Variants in UBR3 observed in about 807,000 individuals in gnomAD.
The protein encoded by UBR3 is ubiquitin protein ligase E3 component n-recognin 3.
UBR3 carries 85 observed loss-of-function variants against 243.2 expected under a neutral mutation model. That is an observed-to-expected ratio of 0.35 (90% CI 0.29 to 0.42). The LOEUF (loss-of-function observed/expected upper bound fraction) is 0.42, where lower values mean the gene tolerates loss of function less well. Ranked by LOEUF, UBR3 falls within the 10% of genes least tolerant of loss-of-function variation. The pLI, the probability that UBR3 is intolerant of heterozygous loss-of-function variation, is 1.00. For synonymous variants in UBR3, 748 were observed against 799.8 expected, an observed-to-expected ratio of 0.94 and a Z score of 1.09; for missense variants, 1,686 against 2,300.8, an observed-to-expected ratio of 0.73 and a Z score of 5.47.
At chr2:170,030,856 ATAAAT>A (rs1053694465) in intron 31 of UBR3, among the ~76,000 whole-genome samples, 1 of 152,332 alleles carries the variant, frequency 6.6e-6, no homozygotes, top group African/African-American at 2.4e-5. Context: ...ATATAACAAA[ATAAAT>A]TCATAGACAT....
At chr2:169,865,625 A>G (rs770665802) in intron 1 of UBR3, among the ~76,000 whole-genome samples, 1 of 152,266 alleles carries the variant, frequency 6.6e-6, no homozygotes, top group East Asian at 1.9e-4. Context: ...AGTGTCCAAG[A>G]GAGCTTTCTG....
chr2:170,040,811 T>C, intron 31 of UBR3, 71 bp from the exon 32 acceptor site: 2 of 1,132,192 alleles, frequency 1.8e-6, no homozygotes, highest in East Asian at 5.2e-5. Flanking sequence ...TAGATATATA[T>C]GTGACATATA....
At chr2:170,068,080 T>A (rs1277345817) in intron 35 of UBR3, among the ~76,000 whole-genome samples, 1 of 152,076 alleles carries the variant, frequency 6.6e-6, no homozygotes, top group Admixed American at 6.6e-5. Context: ...TAGAAAATAT[T>A]TTTAACTGAG....
chr2:169,887,269 C>T (rs189332938), intron 5 of UBR3, among the ~76,000 whole-genome samples: 57 of 152,252 alleles, frequency 3.7e-4, no homozygotes, highest in Non-Finnish European at 6.0e-4. Flanking sequence ...TATTTAAGGT[C>T]TGAAAAGTTC....
At chr2:170,049,065 C>T (rs1309984745) in intron 32 of UBR3, among the ~76,000 whole-genome samples, 3 of 152,174 alleles carry the variant, frequency 2.0e-5, no homozygotes, top group Non-Finnish European at 4.4e-5. Context: ...TCCCCCTTTA[C>T]TTCTCCACTT....
At chr2:169,892,988 T>G (rs1475883236) in intron 6 of UBR3, among the ~76,000 whole-genome samples, 1 of 152,226 alleles carries the variant, frequency 6.6e-6, no homozygotes, top group African/African-American at 2.4e-5. Flanking sequence ...TTTAAAAATC[T>G]CTTTTTACAA....
chr2:169,894,941 A>T (rs2084524867), intron 6 of UBR3, among the ~76,000 whole-genome samples: 1 of 152,182 alleles, frequency 6.6e-6, no homozygotes, highest in South Asian at 2.1e-4. Flanking sequence ...TAAAAAGGGC[A>T]TCCATTCCCC....
intron 30 of UBR3, among the ~76,000 whole-genome samples, chr2:170,021,974 C>A (rs114451962): frequency 1.8e-3 from 276 of 152,202 alleles, no homozygotes; most frequent in African/African-American, 6.3e-3. Context: ...CAGCTTCTTT[C>A]TTCTGCAGTT....
At chr2:169,926,616 A>C (rs2085920389) in intron 14 of UBR3, 76 bp from the exon 15 acceptor site, 1 of 1,346,302 alleles carries the variant, frequency 7.4e-7, no homozygotes, top group Non-Finnish European at 1.0e-6. Context: ...AAACAAAAAA[A>C]AGTATAGAAA....
Position 170,066,993 on chromosome 2 carries a change from T to TAATAATAATAATAAA in UBR3, c.5019+5552_5019+5553insTAATAATAATAAAAA, listed in dbSNP as rs71006067. Among the ~76,000 whole-genome samples, 429 of 144,260 alleles carry TAATAATAATAATAAA rather than the reference T, an allele frequency of 3.0e-3. 2 individuals carry two copies. Among genetic ancestry groups the TAATAATAATAATAAA allele is most frequent in the East Asian group, 8.3e-3 (41 of 4,952 alleles). 94.6% of individuals were successfully genotyped at this position (144,260 alleles called of 152,430 possible). A position where few individuals can be genotyped will look rare whatever the true frequency, so the allele number is the denominator to read the frequency against. ...ATAATAATAATAATAATAATAATAA[T>TAATAATAATAATAAA]AAACTTCATTATAACTGAGAGGTAG... is the stretch of plus-strand genomic sequence containing the variant. On this transcript the variant is annotated intron_variant, in intron 35 of 38. Coordinates refer to ENST00000272793, the MANE Select transcript of UBR3 (RefSeq NM_172070.4).
chr2:170,041,216 T>G (rs1339365569), intron 32 of UBR3, among the ~76,000 whole-genome samples: 2 of 152,192 alleles, frequency 1.3e-5, no homozygotes, highest in African/African-American at 2.4e-5. Context: ...GCAGTAAGTA[T>G]GATGGATACT....
chr2:169,957,073 C>A (rs2087335129), intron 23 of UBR3, among the ~76,000 whole-genome samples: 1 of 152,078 alleles, frequency 6.6e-6, no homozygotes, highest in African/African-American at 2.4e-5. Flanking sequence ...TATAATTTAC[C>A]TTTTCTAACC....
At chr2:169,961,766 A>G (rs528795684) in intron 24 of UBR3, among the ~76,000 whole-genome samples, 21 of 151,952 alleles carry the variant, frequency 1.4e-4, no homozygotes, top group African/African-American at 4.8e-4. Context: ...AGAGATCTGA[A>G]GTTTTATCAT....
intron 24 of UBR3, among the ~76,000 whole-genome samples, chr2:169,982,355 T>A (rs1366063156): frequency 6.6e-6 from 1 of 152,082 alleles, no homozygotes; most frequent in African/African-American, 2.4e-5. Context: ...TAAATACTTA[T>A]TTTAGTTTAA....
At chr2:169,900,704 G>A (rs1377855410) in intron 8 of UBR3, among the ~76,000 whole-genome samples, 1 of 151,434 alleles carries the variant, frequency 6.6e-6, no homozygotes, top group Non-Finnish European at 1.5e-5. Context: ...TGGCCTTTAA[G>A]GGAGAATATT....
At position 169,993,014 on chromosome 2, in the gene UBR3, G is replaced by A. The variant is rs533224568; in HGVS notation, c.3785-1309G>A. 8.5e-5 allele frequency among the ~76,000 whole-genome samples: 13 copies of A among 152,212 alleles called. No homozygotes were observed. The East Asian group carries it at 2.5e-3, about 29-fold the overall frequency. ...GGCCTCAAGTAGTCTGTCCACCTTG[G>A]CCTCCCAAAGTGCTGGGTTTACAGG... On this transcript the variant is annotated intron_variant, in intron 25 of 38. Transcript: ENST00000272793.
At chr2:170,051,143 T>TC (rs2091207641) in intron 32 of UBR3, among the ~76,000 whole-genome samples, 2 of 152,096 alleles carry the variant, frequency 1.3e-5, no homozygotes, top group South Asian at 4.1e-4. Flanking sequence ...ATTTTTTTTT[T>TC]CCAAATACTT....
chr2:170,003,832 G>T (rs2105402053), intron 27 of UBR3, among the ~76,000 whole-genome samples: 1 of 152,218 alleles, frequency 6.6e-6, no homozygotes, highest in East Asian at 1.9e-4. Flanking sequence ...AGCAGAGACG[G>T]GGTTTCACCA....
At chr2:169,876,485 G>A (rs1011753295) in intron 3 of UBR3, among the ~76,000 whole-genome samples, 8 of 151,804 alleles carry the variant, frequency 5.3e-5, no homozygotes, top group Admixed American at 3.3e-4. Context: ...TGGAACCTAG[G>A]TCTCCTAACT....
Sources: gnomAD v4.1 joint callset for allele counts (sites outside exome capture counted in the v4.1 genomes callset) on GRCh38, gnomAD v4.1.1 for gene constraint, MANE v1.5 for transcripts, NCBI Gene and HGNC (gene_info 2026-07-23, HGNC 2026-07-21) for gene names.